ADK: variants seen among roughly 807,000 people sequenced by gnomAD.
ADK encodes N6,N6-dimethyladenosine kinase.
Under a neutral mutation model 44.7 loss-of-function variants are expected in ADK, and 24 were observed. The observed-to-expected ratio is 0.54, with a 90% CI of 0.39 to 0.76. The LOEUF is 0.76. ADK is among the 30% of genes least tolerant of loss of function. The probability of loss-of-function intolerance (pLI) is 0.00; values close to 1 mark genes in which losing one functional copy is unlikely to be tolerated. For missense variants in ADK, 321 were observed against 425.1 expected, an observed-to-expected ratio of 0.76 and a Z score of 2.15; for synonymous variants, 128 against 142.6, an observed-to-expected ratio of 0.90 and a Z score of 0.73.
At chr10:74,279,523 G>A (rs1846833175) in intron 3 of ADK, among the ~76,000 whole-genome samples, 2 of 150,746 alleles carry the variant, frequency 1.3e-5, no homozygotes, top group South Asian at 4.2e-4. Flanking sequence ...AGGTTGCAGT[G>A]AGCCGAGATC....
intron 6 of ADK, among the ~76,000 whole-genome samples, chr10:74,520,538 C>T (rs1170961017): frequency 2.0e-5 from 3 of 151,210 alleles, no homozygotes; most frequent in African/African-American, 7.3e-5. Context: ...TGTTCTTAGG[C>T]AAGGACAATT....
intron 9 of ADK, among the ~76,000 whole-genome samples, chr10:74,644,618 C>T (rs1478086847): frequency 1.3e-5 from 2 of 152,260 alleles, no homozygotes; most frequent in African/African-American, 2.4e-5. Context: ...ACTGTAACCT[C>T]GAACTCCTGG....
At chr10:74,172,479 G>A (rs963787257) in intron 1 of ADK, among the ~76,000 whole-genome samples, 1 of 151,952 alleles carries the variant, frequency 6.6e-6, no homozygotes, top group African/African-American at 2.4e-5. Flanking sequence ...ACCTGAGGTT[G>A]GGAGTTTGAG....
At chr10:74,509,741 C>A (rs1329988045) in intron 6 of ADK, among the ~76,000 whole-genome samples, 1 of 152,044 alleles carries the variant, frequency 6.6e-6, no homozygotes, top group East Asian at 1.9e-4. Context: ...TTCCTTTCCC[C>A]CTACTTTCCC....
At chr10:74,270,380 G>A (rs1188618708) in intron 3 of ADK, among the ~76,000 whole-genome samples, 2 of 152,140 alleles carry the variant, frequency 1.3e-5, no homozygotes, top group Non-Finnish European at 2.9e-5. Flanking sequence ...TAAAAGAATG[G>A]TATTGCTTTT....
At chr10:74,676,230 A>G (rs1460052340) in intron 10 of ADK, among the ~76,000 whole-genome samples, 4 of 152,102 alleles carry the variant, frequency 2.6e-5, no homozygotes, top group Non-Finnish European at 4.4e-5. Flanking sequence ...TTCAGGTTCA[A>G]GTGATTCTCC....
At chr10:74,423,988 C>A in intron 6 of ADK, 1 of 159,186 alleles carries the variant, frequency 6.3e-6, no homozygotes, top group South Asian at 1.6e-4. Context: ...TCCACCAGGT[C>A]GTGTGCTGTG....
chr10:74,585,809 C>T (rs1025924758), intron 7 of ADK, among the ~76,000 whole-genome samples: 1 of 152,208 alleles, frequency 6.6e-6, no homozygotes, highest in Non-Finnish European at 1.5e-5. Flanking sequence ...ATTTGTGAAA[C>T]TCAGTACGAG....
At chr10:74,187,508 A>C (rs4746180) in intron 1 of ADK, among the ~76,000 whole-genome samples, 8,732 of 151,772 alleles carry the variant, frequency 0.058, 886 homozygotes, top group African/African-American at 0.2. Flanking sequence ...ACATACACAC[A>C]CACACACACT....
At chr10:74,700,470 C>T (rs531957813) in intron 10 of ADK, among the ~76,000 whole-genome samples, 73 of 151,972 alleles carry the variant, frequency 4.8e-4, no homozygotes, top group African/African-American at 1.7e-3. Flanking sequence ...CTCAAACTCC[C>T]GACCTCAGGT....
At chr10:74,460,142 C>T (rs990631949) in intron 6 of ADK, among the ~76,000 whole-genome samples, 3 of 152,144 alleles carry the variant, frequency 2.0e-5, no homozygotes, top group African/African-American at 7.2e-5. Context: ...ACCCTAACGG[C>T]AAAAGGGCAC....
intron 6 of ADK, among the ~76,000 whole-genome samples, chr10:74,427,543 T>C (rs935864602): frequency 6.6e-6 from 1 of 152,044 alleles, no homozygotes; most frequent in Admixed American, 6.6e-5. Flanking sequence ...CAGAGACTAT[T>C]TTGAGCAAAT....
intron 4 of ADK, among the ~76,000 whole-genome samples, chr10:74,336,393 C>T (rs1157100695): frequency 1.3e-5 from 2 of 152,038 alleles, no homozygotes; most frequent in Non-Finnish European, 1.5e-5. Flanking sequence ...TCTCTTCTTT[C>T]TCCAATATCA....
chr10:74,422,644 T>C (rs923469956), intron 6 of ADK, among the ~76,000 whole-genome samples: 1 of 152,162 alleles, frequency 6.6e-6, no homozygotes, highest in Non-Finnish European at 1.5e-5. Flanking sequence ...ATAAATTTAT[T>C]TGAGGTTGAT....
Position 74,567,681 on chromosome 10 carries a change from G to C in ADK, c.727-21601G>C, listed in dbSNP as rs189458073. The stretch of plus-strand genomic sequence containing the variant: ...CATTTCTTTTGTTCTCTCTCTCTCT[G>C]TTTTTTTTGTTTTTTTTGTTTTTTT... On this transcript the variant is annotated intron_variant, in intron 7 of 10. Transcript: ENST00000539909. Among the ~76,000 whole-genome samples the C allele has an allele frequency of 7.7e-5, 10 of 129,602 alleles. No homozygotes were observed. The East Asian group carries it at 1.9e-3, about 24-fold the overall frequency. The allele number at this position is 129,602 out of a possible 152,430, so 85.0% of individuals were successfully genotyped here. A position where few individuals can be genotyped will look rare whatever the true frequency, so the allele number is the denominator to read the frequency against.
chr10:74,475,435 G>C (rs117785031), intron 6 of ADK, among the ~76,000 whole-genome samples: 1,669 of 152,188 alleles, frequency 0.011, 14 homozygotes, highest in Non-Finnish European at 0.015. Context: ...GAAGGACCAG[G>C]CATGGTGACT....
At chr10:74,412,460 A>G (rs1844217858) in intron 6 of ADK, among the ~76,000 whole-genome samples, 1 of 152,178 alleles carries the variant, frequency 6.6e-6, no homozygotes, top group African/African-American at 2.4e-5. Flanking sequence ...TCTTAATGAC[A>G]ACTGGAATGA....
At position 74,670,165 on chromosome 10, in the gene ADK, C is replaced by G. The variant is rs1481431532; in HGVS notation, c.878-18C>G. Reference sequence around the variant, plus strand: ...TACAAAGAGAAGTCATTCTGCCTTTCTTTGGCTCTAATTGCAGAAAGTGAA... The same window carrying G: ...TACAAAGAGAAGTCATTCTGCCTTTGTTTGGCTCTAATTGCAGAAAGTGAA... On this transcript the variant is annotated intron_variant, in intron 9 of 10. Coordinates refer to ENST00000539909, the MANE Select transcript of ADK (RefSeq NM_006721.4). The G allele has an allele frequency of 6.2e-7, 1 of 1,607,564 alleles. No homozygotes were observed. The highest frequency in any genetic ancestry group is 1.3e-5 in the African/African-American group (1 of 74,754).
chr10:74,444,561 C>A (rs933040191), intron 6 of ADK, among the ~76,000 whole-genome samples: 4 of 152,042 alleles, frequency 2.6e-5, no homozygotes, highest in Non-Finnish European at 5.9e-5. Flanking sequence ...TGGATAGACA[C>A]TATTTTGTAG....
Sources: allele counts gnomAD v4.1 joint callset (sites outside exome capture counted in the v4.1 genomes callset), GRCh38; gene constraint gnomAD v4.1.1; transcripts MANE v1.5; gene names NCBI Gene and HGNC (gene_info 2026-07-23, HGNC 2026-07-21).